The following MACROD1 variants were observed in gnomAD, a reference collection of about 807,000 sequenced individuals.
MACROD1 encodes ADP-ribose glycohydrolase MACROD1.
A neutral mutation model predicts 41.4 loss-of-function variants in MACROD1; 31 were observed. The observed-to-expected ratio is 0.75, with a 90% CI of 0.56 to 1.01. The LOEUF (loss-of-function observed/expected upper bound fraction) is 1.01, where lower values mean the gene tolerates loss of function less well. Among genes scored for constraint, MACROD1 ranks in the 50% least tolerant of loss-of-function variants. The probability of loss-of-function intolerance (pLI) is 0.00; values close to 1 mark genes in which losing one functional copy is unlikely to be tolerated. For missense variants in MACROD1, 473 were observed against 460.0 expected (o/e 1.03, Z -0.26); for synonymous variants, 252 against 203.4 (o/e 1.24, Z -2.03).
At chr11:64,021,007 G>A (rs1023766204) in intron 3 of MACROD1, among the ~76,000 whole-genome samples, 1 of 152,092 alleles carries the variant, frequency 6.6e-6, no homozygotes, top group Admixed American at 6.5e-5. Context: ...GTGAGTCACG[G>A]CGCCCGGCCC....
intron 3 of MACROD1, among the ~76,000 whole-genome samples, chr11:64,126,682 G>A (rs1276204468): frequency 6.6e-6 from 1 of 152,040 alleles, no homozygotes; most frequent in East Asian, 1.9e-4. Flanking sequence ...GCCCCTGGCG[G>A]CCAAGGGGTG....
At chr11:64,153,791 T>A (rs542948934) in intron 1 of MACROD1, among the ~76,000 whole-genome samples, 16 of 152,086 alleles carry the variant, frequency 1.1e-4, no homozygotes, top group Non-Finnish European at 1.6e-4. Context: ...CATAAACATG[T>A]TTGGGCACGA....
chr11:63,999,469 G>A, intron 7 of MACROD1, 61 bp downstream of exon 7: 1 of 1,566,918 alleles, frequency 6.4e-7, no homozygotes, highest in East Asian at 2.3e-5. Flanking sequence ...GTCCGCCCCG[G>A]CCCCTCCCGG....
At chr11:64,075,319 G>A (rs1182827526) in intron 3 of MACROD1, among the ~76,000 whole-genome samples, 1 of 152,268 alleles carries the variant, frequency 6.6e-6, no homozygotes, top group Non-Finnish European at 1.5e-5. Context: ...CCATCACCCT[G>A]TTTAGACAGA....
At chr11:64,061,873 C>CTT (rs57666180) in intron 3 of MACROD1, among the ~76,000 whole-genome samples, 88 of 99,104 alleles carry the variant, frequency 8.9e-4, no homozygotes, top group Non-Finnish European at 9.6e-4. Context: ...ACCACGCTGG[C>CTT]TTTTTTTTTT....
Position 64,083,463 on chromosome 11 carries a change from A to C in MACROD1, c.517+67776T>G, listed in dbSNP as rs955686466. Among the ~76,000 whole-genome samples, 3 of 152,260 alleles carry C rather than the reference A, an allele frequency of 2.0e-5. No individual in the cohort carries two copies. The East Asian group carries it at 5.8e-4, about 29-fold the overall frequency. On this transcript the variant is annotated intron_variant, in intron 3 of 10. Coordinates refer to ENST00000255681, the MANE Select transcript of MACROD1 (RefSeq NM_014067.4). ...GACTCTGTCCCCCAAAAATAAAAGA[A>C]GCAAATGGCAGGATTTGAACCCCAG...
chr11:64,045,653 T>C (rs1943570887), intron 3 of MACROD1, among the ~76,000 whole-genome samples: 1 of 152,176 alleles, frequency 6.6e-6, no homozygotes, highest in South Asian at 2.1e-4. Flanking sequence ...GAGAGACTGC[T>C]CCTGGGGTCT....
At position 63,998,687 on chromosome 11, in the gene MACROD1, T is replaced by C; in HGVS notation, c.*31A>G. 1 of 1,343,278 alleles carries C rather than the reference T, an allele frequency of 7.4e-7. No individual in the cohort carries two copies. Among genetic ancestry groups the C allele is most frequent in the Non-Finnish European group, 9.5e-7 (1 of 1,050,508 alleles). 83.2% of individuals were successfully genotyped at this position (1,343,278 alleles called of 1,614,324 possible). A position where few individuals can be genotyped will look rare whatever the true frequency, so the allele number is the denominator to read the frequency against. On this transcript the variant is annotated splice_region_variant and 3_prime_UTR_variant, in exon 11 of 11. Transcript: ENST00000255681. ...CTGGGAGCGGGGTCCCGAAGGCGGG[T>C]CTGAGGGCAGAGCAGAGTCAGAGGT...
chr11:64,147,645 A>G (rs185877070), intron 3 of MACROD1, among the ~76,000 whole-genome samples: 1 of 151,914 alleles, frequency 6.6e-6, no homozygotes, highest in Admixed American at 6.6e-5. Context: ...CTAGTCTCGA[A>G]ACTCCTGACC....
At chr11:64,102,799 G>C (rs1312881034) in intron 3 of MACROD1, among the ~76,000 whole-genome samples, 3 of 152,188 alleles carry the variant, frequency 2.0e-5, no homozygotes, top group African/African-American at 7.2e-5. Context: ...GCTGGGTACA[G>C]TGGCTCATGC....
intron 1 of MACROD1, among the ~76,000 whole-genome samples, chr11:64,163,805 G>A (rs1334918208): frequency 6.6e-6 from 1 of 152,180 alleles, no homozygotes; most frequent in African/African-American, 2.4e-5. Context: ...GGGGTGTTTT[G>A]TTACACAGAA....
intron 3 of MACROD1, among the ~76,000 whole-genome samples, chr11:64,123,246 C>T (rs113424137): frequency 2.6e-5 from 4 of 152,284 alleles, no homozygotes; most frequent in African/African-American, 7.2e-5. Context: ...GCACAGGTGA[C>T]GGTGGCTGCT....
At chr11:64,137,127 C>G (rs1392711911) in intron 3 of MACROD1, among the ~76,000 whole-genome samples, 1 of 152,216 alleles carries the variant, frequency 6.6e-6, no homozygotes, top group Non-Finnish European at 1.5e-5. Flanking sequence ...ATTTTGCCAG[C>G]CCCCCAGGGG....
intron 3 of MACROD1, among the ~76,000 whole-genome samples, chr11:64,125,809 C>A (rs565974405): frequency 3.0e-4 from 46 of 152,348 alleles, no homozygotes; most frequent in Middle Eastern, 3.4e-3. Flanking sequence ...AGAGGCGCTG[C>A]AAGAAATCCA....
intron 4 of MACROD1, among the ~76,000 whole-genome samples, chr11:64,004,197 G>T (rs914962803): frequency 6.6e-6 from 1 of 152,164 alleles, no homozygotes; most frequent in Non-Finnish European, 1.5e-5. Context: ...CGCCTCCCAT[G>T]GAAGGATGTT....
chr11:64,001,293 C>T lies in MACROD1; in HGVS notation c.548-950G>A, dbSNP rs547536240. ...GCGTCCACCCTCTTATCTGGAATAC[C>T]GGGACAGCGACCCTCCCACAGAGGA... is the stretch of plus-strand genomic sequence containing the variant. On this transcript the variant is annotated intron_variant, in intron 4 of 10. Coordinates refer to ENST00000255681, the MANE Select transcript of MACROD1 (RefSeq NM_014067.4). The T allele has an allele frequency of 9.8e-5, 61 of 624,328 alleles. No homozygotes were observed. In the South Asian group the frequency reaches 1.1e-3, roughly 12 times the overall value. The allele number at this position is 624,328 out of a possible 1,614,324, so 38.7% of individuals were successfully genotyped here. A position where few individuals can be genotyped will look rare whatever the true frequency, so the allele number is the denominator to read the frequency against.
rs776923529 is a variant in MACROD1, at chr11:63,998,938, C to T, written c.973+17G>A. Reference sequence around the variant, plus strand: ...ACCGGGGCAGGGGCGGGCCGTGGGGCGGCGCGGGGCACGTACCCACGGGGA... The same window carrying T: ...ACCGGGGCAGGGGCGGGCCGTGGGGTGGCGCGGGGCACGTACCCACGGGGA... On this transcript the variant is annotated intron_variant, in intron 9 of 10. Coordinates refer to ENST00000255681, the MANE Select transcript of MACROD1 (RefSeq NM_014067.4). 2 of 1,557,566 alleles carry T rather than the reference C, an allele frequency of 1.3e-6. No homozygotes were observed. The highest frequency in any genetic ancestry group is 1.7e-6 in the Non-Finnish European group (2 of 1,156,250).
chr11:63,999,719 C>T lies in MACROD1; in HGVS notation c.709G>A (p.Ala237Thr). The T allele has an allele frequency of 6.2e-7, 1 of 1,608,164 alleles. No individual in the cohort carries two copies. The highest frequency in any genetic ancestry group is 8.5e-7 in the Non-Finnish European group (1 of 1,179,382). ...CTGCGGAGCTCGGCAGCCTGACTGG[C>T]GCTGGGCTCCCCGTAGGCGATGGGC... ...VGPIAYGEPS[A>T]SQAAELRSCY... The change falls in exon 6 of 11, where the codon GCC becomes ACC. Residue 237 changes from alanine to threonine, a missense_variant. Physicochemically the swap from Ala to Thr is moderately conservative, Grantham distance 58 (BLOSUM62 0). Coordinates refer to ENST00000255681, the MANE Select transcript of MACROD1 (RefSeq NM_014067.4).
intron 4 of MACROD1, chr11:64,001,807 G>A (rs1942830554): frequency 1.4e-6 from 1 of 696,826 alleles, no homozygotes; most frequent in African/African-American, 1.7e-5. Flanking sequence ...CCCAGTGCTG[G>A]GAAGTGAGTG....
Sources: gnomAD v4.1 joint callset for allele counts (sites outside exome capture counted in the v4.1 genomes callset) on GRCh38, gnomAD v4.1.1 for gene constraint, MANE v1.5 for transcripts, NCBI Gene and HGNC (gene_info 2026-07-23, HGNC 2026-07-21) for gene names.